The following ENOX2 variants were observed in gnomAD, a reference collection of about 807,000 sequenced individuals.
The protein encoded by ENOX2 is APK1 antigen.
In ENOX2, 36 loss-of-function variants were observed where a neutral mutation model predicts 45.0. The ratio of observed to expected loss-of-function variants is 0.80; its 90% CI spans 0.61 to 1.06. The LOEUF (loss-of-function observed/expected upper bound fraction) is 1.06. ENOX2 is among the 50% of genes least tolerant of loss of function. ENOX2 has a pLI of 0.00. For synonymous variants in ENOX2, 174 were observed against 152.3 expected, an observed-to-expected ratio of 1.14 and a Z score of -1.05; for missense variants, 423 against 462.5, an observed-to-expected ratio of 0.91 and a Z score of 0.78.
intron 9 of ENOX2, among the ~76,000 whole-genome samples, chrX:130,663,416 A>T (rs1288966212): frequency 9.1e-6 from 1 of 109,674 alleles, no homozygotes; most frequent in Admixed American, 9.7e-5. Context: ...CTGTAGTCCC[A>T]GCTACTTGGG....
intron 13 of ENOX2, among the ~76,000 whole-genome samples, chrX:130,630,951 G>A (rs1008271313): frequency 1.2e-5 from 1 of 85,213 alleles, no homozygotes; most frequent in Non-Finnish European, 2.3e-5. Context: ...CACGTATCTG[G>A]TGTCTGGAGG....
intron 2 of ENOX2, among the ~76,000 whole-genome samples, chrX:130,813,061 G>A (rs752566388): frequency 3.6e-5 from 4 of 111,719 alleles, no homozygotes; most frequent in East Asian, 2.8e-4. Context: ...TTTGAATTAC[G>A]AACGCTTAAC....
At chrX:130,731,361 G>T (rs1016453544) in intron 3 of ENOX2, among the ~76,000 whole-genome samples, 1 of 112,043 alleles carries the variant, frequency 8.9e-6, no homozygotes, top group African/African-American at 3.2e-5. Context: ...ATTCTCTTTT[G>T]CTAGTTTTGG....
chrX:130,808,970 T>C (rs1193649197), intron 2 of ENOX2, among the ~76,000 whole-genome samples: 2 of 112,218 alleles, frequency 1.8e-5, no homozygotes, highest in African/African-American at 3.2e-5. Context: ...GTATGTGATA[T>C]AAAGACCAAT....
intron 3 of ENOX2, among the ~76,000 whole-genome samples, chrX:130,774,691 G>T: frequency 8.9e-6 from 1 of 111,861 alleles, no homozygotes; most frequent in Admixed American, 9.4e-5. Flanking sequence ...AGTATTCTGT[G>T]TTTCAAATTT....
intron 3 of ENOX2, among the ~76,000 whole-genome samples, chrX:130,714,084 T>C (rs1201713201): frequency 9.0e-6 from 1 of 111,444 alleles, no homozygotes; most frequent in African/African-American, 3.3e-5. Flanking sequence ...ACTGCTACCA[T>C]GCTCTTGGAA....
intron 2 of ENOX2, among the ~76,000 whole-genome samples, chrX:130,879,374 T>C (rs1263243369): frequency 9.0e-6 from 1 of 111,638 alleles, no homozygotes; most frequent in Non-Finnish European, 1.9e-5. Flanking sequence ...TACGCAGATC[T>C]GGGATTTTTA....
At chrX:130,775,708 T>C (rs2039840898) in intron 3 of ENOX2, among the ~76,000 whole-genome samples, 3 of 111,476 alleles carry the variant, frequency 2.7e-5, no homozygotes, top group Non-Finnish European at 3.8e-5. Context: ...CATTAGGCCT[T>C]AGACACAAGC....
At chrX:130,644,201 C>A (rs1017919738) in intron 10 of ENOX2, among the ~76,000 whole-genome samples, 5 of 112,209 alleles carry the variant, frequency 4.5e-5, no homozygotes, top group Admixed American at 9.4e-5. Context: ...CTTACGTGGG[C>A]AATTTATAGC....
chrX:130,818,749 C>A (rs748854053), intron 2 of ENOX2, among the ~76,000 whole-genome samples: 1 of 112,068 alleles, frequency 8.9e-6, no homozygotes, highest in East Asian at 2.8e-4. Context: ...AAAATTAACT[C>A]AAGATGGATT....
intron 2 of ENOX2, among the ~76,000 whole-genome samples, chrX:130,860,261 T>A (rs2078388455): frequency 8.9e-6 from 1 of 112,151 alleles, no homozygotes; most frequent in African/African-American, 3.2e-5. Flanking sequence ...CCAGCTTCTC[T>A]CCAACTTTTT....
chrX:130,638,948 C>T (rs988544925), intron 10 of ENOX2, among the ~76,000 whole-genome samples: 3 of 111,241 alleles, frequency 2.7e-5, no homozygotes, highest in Admixed American at 1.9e-4. Context: ...GATCACGCCA[C>T]TACACTCCAG....
chrX:130,898,499 TGTGTGC>T (rs951245981), intron 2 of ENOX2, among the ~76,000 whole-genome samples: 1 of 110,485 alleles, frequency 9.1e-6, no homozygotes, highest in African/African-American at 3.3e-5. Flanking sequence ...TGTGCGTGTG[TGTGTGC>T]GTGTGTGTGT....
At position 130,669,988 on chromosome X, in the gene ENOX2, C is replaced by T. The variant is rs2036935650; in HGVS notation, c.671G>A (p.Ser224Asn). Residue 224 changes from serine to asparagine, a missense_variant, in exon 7 of 15, where the codon AGC (serine) becomes AAC (asparagine). By Grantham distance (46) the Ser-to-Asn change is conservative. Coordinates refer to ENST00000394363, the MANE Select transcript of ENOX2 (RefSeq NM_006375.4). ...PVVHYSDHEC[S>N]IVAEKLKDDS... The stretch of plus-strand genomic sequence containing the variant: ...ACCTTTTAATTTTTCAGCAACAATG[C>T]TGCATTCATGATCTGAATAGTGGAC... 1.7e-6 allele frequency: 2 copies of T among 1,205,057 alleles called. No individual in the cohort carries two copies. The highest frequency in any genetic ancestry group is 1.7e-5 in the African/African-American group (1 of 57,284).
At chrX:130,738,405 G>A (rs1447245954) in intron 3 of ENOX2, among the ~76,000 whole-genome samples, 1 of 112,162 alleles carries the variant, frequency 8.9e-6, no homozygotes, top group Non-Finnish European at 1.9e-5. Context: ...ATGAACTGAT[G>A]TAGAGGAAAG....
chrX:130,689,545 AT>A (rs1277884361), intron 4 of ENOX2, among the ~76,000 whole-genome samples: 1 of 111,955 alleles, frequency 8.9e-6, no homozygotes, highest in African/African-American at 3.2e-5. Flanking sequence ...AAAATGATGA[AT>A]CTAATATGCT....
chrX:130,682,411 C>T (rs1277165581), intron 5 of ENOX2, among the ~76,000 whole-genome samples: 3 of 106,885 alleles, frequency 2.8e-5, no homozygotes, highest in African/African-American at 1.0e-4. Context: ...GGTGAAACCC[C>T]GTCTCTACTA....
At chrX:130,688,811 T>C (rs1231048767) in intron 5 of ENOX2, 52 bp downstream of exon 5, 3 of 984,808 alleles carry the variant, frequency 3.0e-6, no homozygotes, top group Non-Finnish European at 4.2e-6. Context: ...AAGAAAGCTT[T>C]CTTGTACACT....
intron 9 of ENOX2, 33 bp downstream of exon 9, chrX:130,665,610 C>G (rs773794040): frequency 1.9e-6 from 2 of 1,026,431 alleles, no homozygotes; most frequent in Non-Finnish European, 2.7e-6. Context: ...AAACTGTCCC[C>G]CCAAGGGGCT....
Sources: allele counts gnomAD v4.1 joint callset (sites outside exome capture counted in the v4.1 genomes callset), GRCh38; gene constraint gnomAD v4.1.1; transcripts MANE v1.5; gene names NCBI Gene and HGNC (gene_info 2026-07-23, HGNC 2026-07-21).